Variants in LRRC37A2 observed in about 807,000 individuals in gnomAD.
LRRC37A2 encodes the protein leucine rich repeat containing 37 member A2, also known as leucine-rich repeat-containing protein 37A2.
LRRC37A2 carries 9 observed loss-of-function variants against 68.8 expected under a neutral mutation model. That is an observed-to-expected ratio of 0.13 (90% CI 0.08 to 0.23). The LOEUF (loss-of-function observed/expected upper bound fraction) is 0.23, where lower values mean the gene tolerates loss of function less well. Ranked by LOEUF, LRRC37A2 falls within the 10% of genes least tolerant of loss-of-function variation. The pLI, the probability that LRRC37A2 is intolerant of heterozygous loss-of-function variation, is 1.00. For synonymous variants in LRRC37A2, 63 were observed against 367.6 expected, an observed-to-expected ratio of 0.17 and a Z score of 9.48; for missense variants, 168 against 950.4, an observed-to-expected ratio of 0.18 and a Z score of 10.82.
the LRRC37A2 span, chr17:46,487,011 G>A: frequency 1.5e-6 from 1 of 686,600 alleles, no homozygotes. Context: ...TTAAATCTTG[G>A]AAGTCCTTAC....
the LRRC37A2 span, among the ~76,000 whole-genome samples, chr17:46,908,654 T>C: frequency 5.3e-5 from 8 of 152,092 alleles, no homozygotes; most frequent in Non-Finnish European, 7.4e-5. Flanking sequence ...GAAAGAACCA[T>C]ATTGAAGCCT....
At chr17:46,917,787 C>T in the LRRC37A2 span, among the ~76,000 whole-genome samples, 3 of 152,182 alleles carry the variant, frequency 2.0e-5, no homozygotes, top group African/African-American at 7.2e-5. Flanking sequence ...AAGAAAGCTA[C>T]ATAGGCCAAT....
At chr17:46,947,122 G>T in the LRRC37A2 span, among the ~76,000 whole-genome samples, 4 of 152,182 alleles carry the variant, frequency 2.6e-5, no homozygotes, top group African/African-American at 9.6e-5. Flanking sequence ...TGTGGAGGAA[G>T]GCCAGGGGAC....
chr17:46,939,981 C>T, the LRRC37A2 span: 1 of 1,010,182 alleles, frequency 9.9e-7, no homozygotes. Context: ...TAAAATGACA[C>T]TCAAAATCCT....
At chr17:47,039,845 A>C in the LRRC37A2 span, among the ~76,000 whole-genome samples, 1 of 144,572 alleles carries the variant, frequency 6.9e-6, no homozygotes, top group Admixed American at 6.9e-5. Context: ...CTGAGATTCC[A>C]TTCACTTTCA....
the LRRC37A2 span, among the ~76,000 whole-genome samples, chr17:46,816,394 T>C: frequency 6.6e-6 from 1 of 151,162 alleles, no homozygotes; most frequent in Non-Finnish European, 1.5e-5. Flanking sequence ...AGTAGCCCAG[T>C]TGCAGGCACA....
chr17:46,983,154 A>G, the LRRC37A2 span, among the ~76,000 whole-genome samples: 2 of 152,048 alleles, frequency 1.3e-5, no homozygotes, highest in African/African-American at 4.8e-5. Context: ...GCAGAGTTCT[A>G]TTTTAATATG....
chr17:46,728,685 TG>T, the LRRC37A2 span, among the ~76,000 whole-genome samples: 2 of 151,926 alleles, frequency 1.3e-5, no homozygotes, highest in East Asian at 1.9e-4. Flanking sequence ...GTTTTATGAC[TG>T]TTATTTAAGA....
the LRRC37A2 span, among the ~76,000 whole-genome samples, chr17:46,979,975 C>G: frequency 5.1e-4 from 78 of 152,214 alleles, no homozygotes; most frequent in Non-Finnish European, 8.1e-4. Context: ...TGGGGATGCA[C>G]CGTTCCTGCT....
the LRRC37A2 span, among the ~76,000 whole-genome samples, chr17:46,752,551 G>T: frequency 1.3e-5 from 2 of 152,104 alleles, no homozygotes; most frequent in African/African-American, 2.4e-5. Flanking sequence ...GACCTCGCAG[G>T]CTCAGGCGTT....
chr17:46,602,681 T>C, the LRRC37A2 span, among the ~76,000 whole-genome samples: 2 of 139,650 alleles, frequency 1.4e-5, no homozygotes, highest in East Asian at 4.1e-4. Context: ...TGACAAGCAA[T>C]GAAACTACCA....
the LRRC37A2 span, among the ~76,000 whole-genome samples, chr17:46,816,903 G>C: frequency 1.3e-5 from 2 of 152,204 alleles, no homozygotes; most frequent in African/African-American, 4.8e-5. Context: ...AGGCTGGACT[G>C]GTGTTGGCAG....
chr17:46,876,765 G>A, the LRRC37A2 span: 26 of 1,495,826 alleles, frequency 1.7e-5, no homozygotes, highest in South Asian at 3.3e-4. Flanking sequence ...ACCTCCTGTG[G>A]CACCCTTCAA....
chr17:46,501,973 T>G, the LRRC37A2 span, among the ~76,000 whole-genome samples: 1 of 151,352 alleles, frequency 6.6e-6, no homozygotes, highest in Non-Finnish European at 1.5e-5. Flanking sequence ...GAAATATTAT[T>G]TAACTTTTGG....
the LRRC37A2 span, among the ~76,000 whole-genome samples, chr17:46,962,053 C>T: frequency 6.6e-6 from 1 of 152,112 alleles, no homozygotes; most frequent in Non-Finnish European, 1.5e-5. Flanking sequence ...AAATAGGGGC[C>T]AGGCACAGTG....
chr17:46,586,395 C>T, the LRRC37A2 span, among the ~76,000 whole-genome samples: 4 of 20,244 alleles, frequency 2.0e-4, 1 homozygote, highest in African/African-American at 2.4e-4. Flanking sequence ...CACACACACA[C>T]ACACACACAC....
At chr17:46,928,375 C>T in the LRRC37A2 span, among the ~76,000 whole-genome samples, 2 of 152,192 alleles carry the variant, frequency 1.3e-5, no homozygotes, top group Admixed American at 6.5e-5. Flanking sequence ...TGGTTGCTGA[C>T]CTTTCCTCCA....
the LRRC37A2 span, among the ~76,000 whole-genome samples, chr17:46,805,039 G>A: frequency 6.6e-6 from 1 of 151,488 alleles, no homozygotes; most frequent in Non-Finnish European, 1.5e-5. Context: ...GGGTCCTTAA[G>A]ACCTGTAACA....
the LRRC37A2 span, among the ~76,000 whole-genome samples, chr17:46,685,705 ATCT>A: frequency 3.4e-5 from 5 of 148,358 alleles, no homozygotes; most frequent in Admixed American, 2.0e-4. Flanking sequence ...TAATCTTGAC[ATCT>A]TCTTTACCCA....
Sources: allele counts gnomAD v4.1 joint callset (sites outside exome capture counted in the v4.1 genomes callset), GRCh38; gene constraint gnomAD v4.1.1; transcripts MANE v1.5; gene names NCBI Gene and HGNC (gene_info 2026-07-23, HGNC 2026-07-21).